The following ARID1A variants were observed in gnomAD, a reference collection of about 807,000 sequenced individuals.
The protein encoded by ARID1A is AT-rich interaction domain 1A, also known as AT-rich interactive domain-containing protein 1A.
ARID1A carries 20 observed loss-of-function variants against 212.6 expected under a neutral mutation model. The observed-to-expected ratio is 0.09, with a 90% CI of 0.07 to 0.14. ARID1A has a LOEUF of 0.14. Ranked by LOEUF, ARID1A falls within the 10% of genes least tolerant of loss-of-function variation. ARID1A has a pLI of 1.00. For missense variants in ARID1A, 2,587 were observed against 3,059.0 expected (o/e 0.85, Z 3.64); for synonymous variants, 1,376 against 1,222.1 (o/e 1.13, Z -2.63).
chr1:26,697,219 G>T lies in ARID1A; in HGVS notation c.816G>T (p.Gly272=). The change falls in exon 1 of 20, where the codon GGG becomes GGT. Residue 272 remains glycine, a synonymous_variant. Transcript: ENST00000324856. The stretch of plus-strand genomic sequence containing the variant: ...CGTCCTTCGCTCAGCAGCGCTTCGG[G>T]GCCATGGGGGGAGGCGGCCCCTCCG... The part of the protein sequence containing the change: ...SSSSFAQQRF[G]AMGGGGPSAA... The T allele has an allele frequency of 7.2e-7, 1 of 1,383,432 alleles. No homozygotes were observed. Among genetic ancestry groups the T allele is most frequent in the East Asian group, 3.0e-5 (1 of 33,162 alleles). The allele number at this position is 1,383,432 out of a possible 1,614,324, so 85.7% of individuals were successfully genotyped here.
Position 26,771,498 on chromosome 1 carries a change from C to T in ARID1A, c.3406+172C>T. 1 of 682,260 alleles carries T rather than the reference C, an allele frequency of 1.5e-6. No homozygotes were observed. The highest frequency in any genetic ancestry group is 1.9e-5 in the South Asian group (1 of 51,316). The allele number at this position is 682,260 out of a possible 1,614,324, so 42.3% of individuals were successfully genotyped here. ...CTGACTAGAGAGTGGGCAGTGGAAACTCCCTTGGGAGGTACTCTACGGCAG... is the reference window on the plus strand; with the variant it reads ...CTGACTAGAGAGTGGGCAGTGGAAATTCCCTTGGGAGGTACTCTACGGCAG... On this transcript the variant is annotated intron_variant, in intron 12 of 19. Transcript: ENST00000324856. The surrounding 1 kb of genome is among the most constrained non-coding windows in gnomAD (Gnocchi z 5.4).
chr1:26,696,063 C>A lies in ARID1A; in HGVS notation c.-341C>A. 1.6e-6 allele frequency: 1 copy of A among 624,908 alleles called. No homozygotes were observed. Among genetic ancestry groups the A allele is most frequent in the African/African-American group, 2.0e-5 (1 of 51,050 alleles). The allele number at this position is 624,908 out of a possible 1,614,324, so 38.7% of individuals were successfully genotyped here. On this transcript the variant is annotated 5_prime_UTR_variant, in exon 1 of 20. The change creates a new upstream start codon in the 5' untranslated region. Transcript: ENST00000324856. ...CGGAGAGTCACAGCGGGGCCAGGCC[C>A]TGGGGAGCGGAGCCTCCACCGCCCC...
intron 1 of ARID1A, among the ~76,000 whole-genome samples, chr1:26,726,523 C>T (rs2080621047): frequency 6.6e-6 from 1 of 152,184 alleles, no homozygotes; most frequent in South Asian, 2.1e-4. Flanking sequence ...TCTCATCCTT[C>T]TTTCTCATCT....
intron 4 of ARID1A, among the ~76,000 whole-genome samples, chr1:26,748,981 G>A (rs551154691): frequency 3.9e-5 from 6 of 152,122 alleles, no homozygotes; most frequent in Non-Finnish European, 8.8e-5. Context: ...TGGCTAACAC[G>A]GTGAAACCTC....
chr1:26,744,263 T>A (rs1454245500), intron 4 of ARID1A, among the ~76,000 whole-genome samples: 6 of 152,234 alleles, frequency 3.9e-5, no homozygotes, highest in Non-Finnish European at 1.5e-5. Context: ...TGCAGCAGAT[T>A]ACTGTATGCT....
Position 26,696,458 on chromosome 1 carries a change from C to T in ARID1A, c.55C>T (p.Pro19Ser), listed in dbSNP as rs2080253926. 2.3e-6 allele frequency: 3 copies of T among 1,290,544 alleles called. No homozygotes were observed. Among genetic ancestry groups the T allele is most frequent in the Non-Finnish European group, 2.9e-6 (3 of 1,020,920 alleles). 79.9% of individuals were successfully genotyped at this position (1,290,544 alleles called of 1,614,324 possible). Residue 19 changes from proline (P) to serine (S), a missense_variant, in exon 1 of 20, where the codon CCG (proline) becomes TCG (serine). By Grantham distance (74) the Pro-to-Ser change is moderately conservative. This residue lies in a region of ARID1A where 735 missense variants were observed against 590.6 expected (regional missense o/e 1.24). Transcript: ENST00000324856. ...AASSLGNPPPPPPSELKKAEQ... is the reference protein window; with the variant it reads ...AASSLGNPPPSPPSELKKAEQ... ...CAGCAGCCTGGGCAACCCGCCGCCG[C>T]CGCCGCCCTCGGAGCTGAAGAAAGC...
chr1:26,773,101 C>A, intron 14 of ARID1A, 114 bp downstream of exon 14: 2 of 1,406,536 alleles, frequency 1.4e-6, no homozygotes, highest in Non-Finnish European at 1.9e-6. Flanking sequence ...TGAGATAATG[C>A]ATTTCCTGCC....
intron 18 of ARID1A, 102 bp from the exon 19 acceptor site, chr1:26,775,475 A>G: frequency 1.3e-6 from 2 of 1,517,788 alleles, no homozygotes; most frequent in African/African-American, 1.4e-5. Flanking sequence ...ACTGCCTTCC[A>G]CCTTGTGTTA....
intron 4 of ARID1A, among the ~76,000 whole-genome samples, chr1:26,754,963 C>CA (rs1405159101): frequency 4.0e-5 from 6 of 151,770 alleles, no homozygotes; most frequent in Non-Finnish European, 2.9e-5. Context: ...TACAAAAATA[C>CA]AAAAAAAATT....
chr1:26,755,122 A>G (rs1196480464), intron 4 of ARID1A, among the ~76,000 whole-genome samples: 3 of 152,218 alleles, frequency 2.0e-5, no homozygotes, highest in Non-Finnish European at 2.9e-5. Context: ...AAACCAAACC[A>G]AAACCAAAAT....
At chr1:26,767,065 GGTA>G (rs2081046068) in intron 10 of ARID1A, among the ~76,000 whole-genome samples, 1 of 152,128 alleles carries the variant, frequency 6.6e-6, no homozygotes, top group Non-Finnish European at 1.5e-5. Context: ...TAGGCTGTGC[GGTA>G]GTAAAGGGTC....
intron 4 of ARID1A, among the ~76,000 whole-genome samples, chr1:26,750,830 T>C (rs2080877791): frequency 6.6e-6 from 1 of 151,964 alleles, no homozygotes; most frequent in African/African-American, 2.4e-5. Flanking sequence ...TTAAGTACCC[T>C]ACAGAAAACC....
chr1:26,749,473 C>T (rs931403832), intron 4 of ARID1A, among the ~76,000 whole-genome samples: 1 of 152,112 alleles, frequency 6.6e-6, no homozygotes, highest in African/African-American at 2.4e-5. Flanking sequence ...AGTAGAATAT[C>T]GACCCCTGGA....
intron 19 of ARID1A, among the ~76,000 whole-genome samples, chr1:26,777,830 G>C (rs2081150931): frequency 6.6e-6 from 1 of 152,142 alleles, no homozygotes; most frequent in Admixed American, 6.5e-5. Context: ...CACTTTGGGA[G>C]GCCAAGGTGG....
intron 4 of ARID1A, among the ~76,000 whole-genome samples, chr1:26,754,500 G>A (rs1224331204): frequency 6.6e-6 from 1 of 152,116 alleles, no homozygotes; most frequent in Non-Finnish European, 1.5e-5. Flanking sequence ...GTGCTAGGGG[G>A]GATTCATGCA....
chr1:26,758,964 C>T (rs1557606582), intron 4 of ARID1A, among the ~76,000 whole-genome samples: 1 of 152,186 alleles, frequency 6.6e-6, no homozygotes, highest in Admixed American at 6.5e-5. Context: ...GAAATGCTCC[C>T]AGCCTAATGA....
At chr1:26,765,944 A>T (rs1273453297) in intron 8 of ARID1A, 1 of 357,102 alleles carries the variant, frequency 2.8e-6, no homozygotes, top group East Asian at 4.8e-5. Flanking sequence ...CAGGAGGCTG[A>T]GGAAGGCAGA....
At chr1:26,738,248 T>G (rs755858320) in intron 4 of ARID1A, among the ~76,000 whole-genome samples, 1 of 152,136 alleles carries the variant, frequency 6.6e-6, no homozygotes, top group Non-Finnish European at 1.5e-5. Context: ...GGTCTCGAAC[T>G]CCTGACCTGG....
rs587779737 is a variant in ARID1A at position 26,696,516 on chromosome 1, A to AGGC, written c.126_128dup (p.Ala45dup). 2,088 of 1,224,682 alleles carry AGGC rather than the reference A, an allele frequency of 1.7e-3. 30 individuals are homozygous for AGGC. The African/African-American group carries it at 0.028, about 16-fold the overall frequency. The allele number at this position is 1,224,682 out of a possible 1,614,324, so 75.9% of individuals were successfully genotyped here. A position where few individuals can be genotyped will look rare whatever the true frequency, so the allele number is the denominator to read the frequency against. On this transcript the variant is annotated inframe_insertion, in exon 1 of 20. Coordinates refer to ENST00000324856, the MANE Select transcript of ARID1A (RefSeq NM_006015.6). The stretch of plus-strand genomic sequence containing the variant: ...CAGCAGCGGGAGGAGGCGGGGGGCG[A>AGGC]GGCGGCGGCGGCGGCAGCGGCCGAG...
Sources: gnomAD v4.1 joint callset for allele counts (sites outside exome capture counted in the v4.1 genomes callset) on GRCh38, gnomAD v4.1.1 for gene constraint, gnomAD v4.1.1 regional missense constraint, Gnocchi (gnomAD v3.1) non-coding constraint, MANE v1.5 for transcripts, NCBI Gene and HGNC (gene_info 2026-07-23, HGNC 2026-07-21) for gene names.